Variants in RBM18 observed in about 807,000 individuals in gnomAD.
The protein encoded by RBM18 is RNA binding motif protein 18.
In RBM18, 18 loss-of-function variants were observed where a neutral mutation model predicts 26.4. The observed-to-expected ratio is 0.68, with a 90% CI of 0.47 to 1.01. The LOEUF is 1.01. RBM18 is among the 50% of genes least tolerant of loss of function. The pLI is 0.00. For missense variants in RBM18, 180 were observed against 219.2 expected (o/e 0.82, Z 1.13); for synonymous variants, 74 against 81.1 (o/e 0.91, Z 0.47).
intron 4 of RBM18, among the ~76,000 whole-genome samples, chr9:122,245,754 G>C (rs2118953524): frequency 6.6e-6 from 1 of 152,096 alleles, no homozygotes; most frequent in East Asian, 1.9e-4. Flanking sequence ...AAGGTGGGCA[G>C]ATTGCTTGAG....
intron 2 of RBM18, among the ~76,000 whole-genome samples, chr9:122,255,358 G>A (rs987125560): frequency 1.3e-5 from 2 of 152,134 alleles, no homozygotes; most frequent in African/African-American, 4.8e-5. Flanking sequence ...AGGTTTCTTC[G>A]GGGGTGAACA....
At chr9:122,254,221 A>C (rs1185324076) in intron 2 of RBM18, 1 of 340,970 alleles carries the variant, frequency 2.9e-6, no homozygotes, top group African/African-American at 2.2e-5. Flanking sequence ...ACACACCAAC[A>C]AAAGATTACT....
At chr9:122,242,986 C>T (rs532061235) in intron 5 of RBM18, among the ~76,000 whole-genome samples, 6 of 152,266 alleles carry the variant, frequency 3.9e-5, no homozygotes, top group South Asian at 2.1e-4. Flanking sequence ...AGCGCCACCA[C>T]GCCCAGCTAA....
rs1047584310 is a variant in RBM18 at position 122,241,296 on chromosome 9, A to G, written c.*588T>C. On this transcript the variant is annotated 3_prime_UTR_variant, in exon 6 of 6. Transcript: ENST00000417201. The stretch of plus-strand genomic sequence containing the variant: ...ATGTTTTCCTAGTTGGGATTTTGAA[A>G]CAATAAGCATAATTCTTAAACAGAT... 3 of 152,286 alleles carry G rather than the reference A, an allele frequency of 2.0e-5. No individual in the cohort carries two copies. Among genetic ancestry groups the G allele is most frequent in the African/African-American group, 7.2e-5 (3 of 41,468 alleles). 9.4% of individuals were successfully genotyped at this position (152,286 alleles called of 1,614,324 possible). A position where few individuals can be genotyped will look rare whatever the true frequency, so the allele number is the denominator to read the frequency against.
At chr9:122,245,071 A>G (rs1831483013) in intron 5 of RBM18, among the ~76,000 whole-genome samples, 185 bp downstream of exon 5, 1 of 152,204 alleles carries the variant, frequency 6.6e-6, no homozygotes, top group Admixed American at 6.5e-5. Context: ...AATGGGGAGT[A>G]TATGACCTTA....
Position 122,261,432 on chromosome 9 carries a change from G to C in RBM18, c.61C>G (p.Leu21Val). Residue 21 changes from leucine (L) to valine (V), a missense_variant, in exon 2 of 6, where the codon CTG becomes GTG. Leu to Val is a conservative substitution (Grantham distance 32). This residue lies in a region of RBM18 where 49 missense variants were observed against 56.6 expected (regional missense o/e 0.87). Transcript: ENST00000417201. ...ENASILSEGS[L>V]QEGHRLWIGN... ...ATCCATAATCGGTGTCCTTCCTGCA[G>C]AGAGCCCTCTGAAAGGATGGATGCA... The C allele has an allele frequency of 6.2e-7, 1 of 1,614,202 alleles. No homozygotes were observed. The highest frequency in any genetic ancestry group is 8.5e-7 in the Non-Finnish European group (1 of 1,180,012).
At chr9:122,263,263 A>C (rs1831858073) in intron 1 of RBM18, among the ~76,000 whole-genome samples, 1 of 152,176 alleles carries the variant, frequency 6.6e-6, no homozygotes, top group Non-Finnish European at 1.5e-5. Context: ...TCACATCTTT[A>C]ATCTGTTCAG....
chr9:122,253,143 G>T (rs1016087810), intron 2 of RBM18, among the ~76,000 whole-genome samples: 19 of 152,194 alleles, frequency 1.2e-4, no homozygotes, highest in African/African-American at 4.3e-4. Context: ...AGTCAGTAAA[G>T]TTGTCGTTAT....
chr9:122,254,885 G>A (rs1398085841), intron 2 of RBM18, among the ~76,000 whole-genome samples: 1 of 151,242 alleles, frequency 6.6e-6, no homozygotes, highest in Non-Finnish European at 1.5e-5. Context: ...AATGGTACAA[G>A]GAAGGTGGTG....
At chr9:122,252,547 T>C (rs2118964213) in intron 2 of RBM18, among the ~76,000 whole-genome samples, 1 of 152,328 alleles carries the variant, frequency 6.6e-6, no homozygotes, top group Admixed American at 6.5e-5. Context: ...AAACCACAGC[T>C]AGTGATACTT....
intron 3 of RBM18, among the ~76,000 whole-genome samples, chr9:122,250,467 A>C (rs1406670334): frequency 1.3e-5 from 2 of 152,232 alleles, no homozygotes; most frequent in Non-Finnish European, 2.9e-5. Context: ...CAAATATGAT[A>C]TATTCACATT....
intron 1 of RBM18, among the ~76,000 whole-genome samples, chr9:122,262,461 T>C (rs1056167585): frequency 6.6e-6 from 1 of 152,252 alleles, no homozygotes; most frequent in African/African-American, 2.4e-5. Flanking sequence ...TCTTAGTTCC[T>C]GAAATGTCTC....
intron 1 of RBM18, among the ~76,000 whole-genome samples, chr9:122,262,297 AC>A (rs1475358047): frequency 9.0e-5 from 12 of 132,960 alleles, no homozygotes; most frequent in African/African-American, 3.0e-4. Flanking sequence ...AAGTTACTTA[AC>A]AGCTGTTGGC....
intron 1 of RBM18, among the ~76,000 whole-genome samples, chr9:122,263,246 T>C (rs943896052): frequency 5.3e-5 from 8 of 152,184 alleles, no homozygotes; most frequent in African/African-American, 1.7e-4. Context: ...TTTTCTTCCT[T>C]TCCCATTCAC....
chr9:122,245,293 G>A lies in RBM18; in HGVS notation c.376C>T (p.Pro126Ser), dbSNP rs1409629978. 6.2e-7 allele frequency: 1 copy of A among 1,610,416 alleles called. No individual in the cohort carries two copies. Among genetic ancestry groups the A allele is most frequent in the Admixed American group, 1.7e-5 (1 of 60,014 alleles). ...NDKILPISLEPSSSTEPTQSN... is the reference protein window; with the variant it reads ...NDKILPISLESSSSTEPTQSN... ...TGAGTAGGCTCAGTGCTTGAGGATG[G>A]CTCGAGACTGATTGGAAGAATCTTA... Residue 126 changes from proline (P) to serine (S), a missense_variant, in exon 5 of 6, where the codon CCA becomes TCA. By Grantham distance (74) the Pro-to-Ser change is moderately conservative. This residue lies in a region of RBM18 where 103 missense variants were observed against 102.8 expected (regional missense o/e 1.00). Coordinates refer to ENST00000417201, the MANE Select transcript of RBM18 (RefSeq NM_033117.4).
chr9:122,242,037 A>C lies in RBM18; in HGVS notation c.420T>G (p.Thr140=). The C allele has an allele frequency of 6.2e-7, 1 of 1,613,984 alleles. No individual in the cohort carries two copies. The highest frequency in any genetic ancestry group is 8.5e-7 in the Non-Finnish European group (1 of 1,179,952). The part of the protein sequence containing the change: ...TEPTQSNLSV[T]AKIKAIEAKL... Reference sequence around the variant, plus strand: ...TTGCTTCAATGGCTTTTATCTTTGCAGTGACACTGGAAAAATAATAGCAGA... The same window carrying C: ...TTGCTTCAATGGCTTTTATCTTTGCCGTGACACTGGAAAAATAATAGCAGA... The change falls in exon 6 of 6, where the codon ACT becomes ACG. Residue 140 remains threonine (T), a synonymous_variant. Coordinates refer to ENST00000417201, the MANE Select transcript of RBM18 (RefSeq NM_033117.4).
At chr9:122,249,570 G>A (rs1204941622) in intron 3 of RBM18, among the ~76,000 whole-genome samples, 1 of 151,700 alleles carries the variant, frequency 6.6e-6, no homozygotes, top group Non-Finnish European at 1.5e-5. Flanking sequence ...ATTAGCTGGG[G>A]TAGTGGTGTG....
At chr9:122,261,680 T>C (rs996580506) in intron 1 of RBM18, among the ~76,000 whole-genome samples, 172 bp from the exon 2 acceptor site, 4 of 152,238 alleles carry the variant, frequency 2.6e-5, no homozygotes, top group African/African-American at 7.2e-5. Context: ...TTGGGACAAC[T>C]GCTCTGGCAG....
chr9:122,248,489 A>C (rs75553861), intron 3 of RBM18, among the ~76,000 whole-genome samples: 20 of 152,356 alleles, frequency 1.3e-4, no homozygotes, highest in Non-Finnish European at 2.8e-4. Flanking sequence ...CATGGGAGTC[A>C]AGGAAACTAG....
Sources: allele counts gnomAD v4.1 joint callset (sites outside exome capture counted in the v4.1 genomes callset), GRCh38; gene constraint gnomAD v4.1.1; regional missense constraint gnomAD v4.1.1; transcripts MANE v1.5; gene names NCBI Gene and HGNC (gene_info 2026-07-23, HGNC 2026-07-21).